Variants in ZNF506 observed in about 807,000 individuals in gnomAD.
The protein encoded by ZNF506 is zinc finger protein 506.
A neutral mutation model predicts 11.6 loss-of-function variants in ZNF506; 10 were observed. The observed-to-expected ratio is 0.86, with a 90% CI of 0.53 to 1.46. ZNF506 has a LOEUF of 1.46. Among genes scored for constraint, ZNF506 ranks in the 40% most tolerant of loss-of-function variants. ZNF506 has a pLI of 0.00. For missense variants in ZNF506, 425 were observed against 521.2 expected, an observed-to-expected ratio of 0.82 and a Z score of 1.80; for synonymous variants, 156 against 173.3, an observed-to-expected ratio of 0.90 and a Z score of 0.78.
chr19:19,797,551 A>C (rs2062753607), intron 3 of ZNF506: 5 of 152,100 alleles, frequency 3.3e-5, no homozygotes, highest in Admixed American at 3.3e-4. Context: ...AAATATTAAA[A>C]TAGAAAACAA....
chr19:19,795,925 GAA>G (rs1478090876), intron 3 of ZNF506: 4 of 417,452 alleles, frequency 9.6e-6, no homozygotes, highest in Non-Finnish European at 1.8e-5. Context: ...TAGAAAAAAA[GAA>G]AAGTCTGTTA....
At chr19:19,816,951 C>T (rs944199591) in intron 1 of ZNF506, among the ~76,000 whole-genome samples, 1 of 151,100 alleles carries the variant, frequency 6.6e-6, no homozygotes, top group Non-Finnish European at 1.5e-5. Flanking sequence ...ACAGGCAGCA[C>T]CACGCCTGCC....
At chr19:19,821,438 T>G (rs1396858530) in intron 1 of ZNF506, among the ~76,000 whole-genome samples, 163 bp downstream of exon 1, 1 of 152,144 alleles carries the variant, frequency 6.6e-6, no homozygotes, top group Non-Finnish European at 1.5e-5. Context: ...GCAGCCGCCA[T>G]GTTATGGCTG....
chr19:19,814,987 G>A (rs751766700), intron 1 of ZNF506, among the ~76,000 whole-genome samples: 3 of 152,312 alleles, frequency 2.0e-5, no homozygotes, highest in Non-Finnish European at 2.9e-5. Flanking sequence ...GCCGGGCGCT[G>A]TGGCTCATGC....
intron 3 of ZNF506, among the ~76,000 whole-genome samples, chr19:19,799,893 G>C (rs1437278181): frequency 6.7e-6 from 1 of 150,362 alleles, no homozygotes; most frequent in Admixed American, 6.6e-5. Flanking sequence ...AAAAATGTTG[G>C]AGGCATTACA....
intron 3 of ZNF506, among the ~76,000 whole-genome samples, chr19:19,802,440 C>T (rs894974429): frequency 3.3e-5 from 5 of 151,780 alleles, no homozygotes; most frequent in Non-Finnish European, 7.4e-5. Context: ...AATGAAATTG[C>T]TATAATCCAA....
chr19:19,807,221 T>C (rs921009937), intron 1 of ZNF506, among the ~76,000 whole-genome samples, 153 bp from the exon 2 acceptor site: 1 of 152,262 alleles, frequency 6.6e-6, no homozygotes, highest in Admixed American at 6.5e-5. Flanking sequence ...AAATATTCTC[T>C]AATGTATTCT....
chr19:19,808,107 ACTTTTTTTTTTTTTTT>A (rs1568477903), intron 1 of ZNF506, among the ~76,000 whole-genome samples: 2 of 55,144 alleles, frequency 3.6e-5, no homozygotes, highest in African/African-American at 7.9e-5. Context: ...ATCATTAACC[ACTTTTTTTTTTTTTTT>A]TTTTTTTTTT....
intron 3 of ZNF506, chr19:19,799,350 A>G (rs898102511): frequency 5.6e-6 from 3 of 532,242 alleles, no homozygotes; most frequent in East Asian, 3.2e-5. Flanking sequence ...AAGGCAGTAA[A>G]AAACAATTAT....
At chr19:19,812,722 T>C (rs2062892631) in intron 1 of ZNF506, among the ~76,000 whole-genome samples, 1 of 152,244 alleles carries the variant, frequency 6.6e-6, no homozygotes, top group Admixed American at 6.5e-5. Flanking sequence ...CTTGGCTCTG[T>C]ATCCTTTGGT....
At chr19:19,807,252 C>T (rs2062842765) in intron 1 of ZNF506, among the ~76,000 whole-genome samples, 184 bp from the exon 2 acceptor site, 1 of 152,168 alleles carries the variant, frequency 6.6e-6, no homozygotes, top group East Asian at 1.9e-4. Flanking sequence ...GAAGAAAGAG[C>T]AGCACAAGAT....
intron 3 of ZNF506, chr19:19,797,547 TAAA>T (rs2062753580): frequency 3.3e-5 from 5 of 151,356 alleles, no homozygotes; most frequent in Admixed American, 3.3e-4. Context: ...GAAAAAATAT[TAAA>T]ATAGAAAACA....
rs139630814 is a variant in ZNF506 at position 19,821,328 on chromosome 19, G to A, written c.3+273C>T. Among the ~76,000 whole-genome samples, 194 of 152,306 alleles carry A rather than the reference G, an allele frequency of 1.3e-3. 3 individuals carry two copies. The highest frequency in any genetic ancestry group is 4.3e-3 in the African/African-American group (179 of 41,578). On this transcript the variant is annotated intron_variant, in intron 1 of 3. Coordinates refer to ENST00000540806, the MANE Select transcript of ZNF506 (RefSeq NM_001099269.3). ...TTCCCGTGGCCCCTGAACAATCTGGGAAAGACCTGTGGGTGCAGAGCTGCC... is the reference window on the plus strand; with the variant it reads ...TTCCCGTGGCCCCTGAACAATCTGGAAAAGACCTGTGGGTGCAGAGCTGCC...
intron 3 of ZNF506, chr19:19,797,752 T>TAA (rs1222139923): frequency 6.6e-6 from 1 of 152,122 alleles, no homozygotes; most frequent in African/African-American, 2.4e-5. Flanking sequence ...AGCTGCAAGA[T>TAA]AAAAATGATG....
In ZNF506 at chr19:19,794,730, T is replaced by G. The variant is rs775390895; in HGVS notation, c.1157A>C (p.Glu386Ala). 8 of 1,613,276 alleles carry G rather than the reference T, an allele frequency of 5.0e-6. No homozygotes were observed. Among genetic ancestry groups the G allele is most frequent in the Middle Eastern group, 1.7e-4 (1 of 6,060 alleles). The change falls in exon 4 of 4, where the codon GAA becomes GCA. Residue 386 changes from glutamate to alanine, a missense_variant. This residue lies in a region of ZNF506 where 192 missense variants were observed against 215.7 expected (regional missense o/e 0.89). Transcript: ENST00000540806. ...CTCTCCAGTATGAATTATCTTATGT[T>G]CAGTTAGAGTTGAGAATGCAGTAAA... Reference protein sequence around the residue: ...KAFTAFSTLTEHKIIHTGEKP... With the variant: ...KAFTAFSTLTAHKIIHTGEKP...
At chr19:19,820,548 G>A (rs1338804448) in intron 1 of ZNF506, 1 of 152,308 alleles carries the variant, frequency 6.6e-6, no homozygotes, top group Non-Finnish European at 1.5e-5. Context: ...CAAAAAATTA[G>A]GCGGGCGTAG....
At chr19:19,800,399 T>TATAA (rs1446798374) in intron 3 of ZNF506, among the ~76,000 whole-genome samples, 1 of 146,588 alleles carries the variant, frequency 6.8e-6, no homozygotes, top group African/African-American at 2.5e-5. Context: ...AGAATATATA[T>TATAA]ATATATATAT....
intron 1 of ZNF506, among the ~76,000 whole-genome samples, chr19:19,814,885 A>G (rs2145203834): frequency 6.6e-6 from 1 of 152,274 alleles, no homozygotes; most frequent in South Asian, 2.1e-4. Context: ...GCTGCTGCAG[A>G]TTCAGTGTCT....
rs1201101773 is a variant in ZNF506 at position 19,793,640 on chromosome 19, C to T, written c.*912G>A. On this transcript the variant is annotated 3_prime_UTR_variant, in exon 4 of 4. Coordinates refer to ENST00000540806, the MANE Select transcript of ZNF506 (RefSeq NM_001099269.3). ...CTGAAAGATTTTTTGACAGTAATTG[C>T]ACTTTTATTGCTTTTATTAACTATG... Among the ~76,000 whole-genome samples the T allele has an allele frequency of 1.3e-5, 2 of 152,172 alleles. No homozygotes were observed. The highest frequency in any genetic ancestry group is 2.9e-5 in the Non-Finnish European group (2 of 68,034).
Sources: allele counts gnomAD v4.1 joint callset (sites outside exome capture counted in the v4.1 genomes callset), GRCh38; gene constraint gnomAD v4.1.1; regional missense constraint gnomAD v4.1.1; transcripts MANE v1.5; gene names NCBI Gene and HGNC (gene_info 2026-07-23, HGNC 2026-07-21).